PMM1: variants seen among roughly 807,000 people sequenced by gnomAD.
PMM1 encodes phosphomannomutase 1.
PMM1 carries 25 observed loss-of-function variants against 34.0 expected under a neutral mutation model. That is an observed-to-expected ratio of 0.73 (90% CI 0.54 to 1.03). The LOEUF (loss-of-function observed/expected upper bound fraction) is 1.03. Ranked by LOEUF, PMM1 falls within the 50% of genes least tolerant of loss-of-function variation. The pLI, the probability that PMM1 is intolerant of heterozygous loss-of-function variation, is 0.00. For missense variants in PMM1, 321 were observed against 350.1 expected (o/e 0.92, Z 0.66); for synonymous variants, 134 against 143.9 (o/e 0.93, Z 0.49).
chr22:41,578,535 G>A (rs1397771829), intron 6 of PMM1, among the ~76,000 whole-genome samples: 1 of 152,160 alleles, frequency 6.6e-6, no homozygotes, highest in Non-Finnish European at 1.5e-5. Flanking sequence ...GGGAAGGGGT[G>A]GGGGAGAGCA....
intron 6 of PMM1, 83 bp downstream of exon 6, chr22:41,578,723 C>T: frequency 1.7e-6 from 2 of 1,193,838 alleles, no homozygotes; most frequent in Non-Finnish European, 2.5e-6. Context: ...TACTGGGGGC[C>T]ACAGCCTGGT....
In PMM1 at chr22:41,586,087, T is replaced by A. The variant is rs1480395040; in HGVS notation, c.194A>T (p.Asp65Val). The change falls in exon 2 of 8, where the codon GAC (aspartate) becomes GTC (valine). Residue 65 changes from aspartate (D) to valine (V), a missense_variant. Coordinates refer to ENST00000216259, the MANE Select transcript of PMM1 (RefSeq NM_002676.3). The stretch of plus-strand genomic sequence containing the variant: ...AGCCTCACTCCTACCTTCATCCCCG[T>A]CACCCAGCTGCTCAGCGATCTTACA... ...DYCKIAEQLG[D>V]GDEVIEKFDY... 1.2e-6 allele frequency: 2 copies of A among 1,608,146 alleles called. No homozygotes were observed. The highest frequency in any genetic ancestry group is 1.7e-5 in the Admixed American group (1 of 59,274).
At chr22:41,585,946 A>T (rs1386260625) in intron 2 of PMM1, 130 bp downstream of exon 2, 6 of 736,112 alleles carry the variant, frequency 8.2e-6, no homozygotes, top group African/African-American at 3.6e-5. Flanking sequence ...GTGTTTGTCA[A>T]ATCAGTAAGG....
At chr22:41,589,449 G>A (rs1421851553) in intron 1 of PMM1, 7 of 561,470 alleles carry the variant, frequency 1.2e-5, no homozygotes, top group Non-Finnish European at 3.2e-6. Context: ...AGGGAGCTAG[G>A]CCCCTGCTCG....
chr22:41,588,943 G>T (rs752496442), intron 1 of PMM1: 2 of 1,150,462 alleles, frequency 1.7e-6, no homozygotes, highest in South Asian at 1.3e-5. Flanking sequence ...TCCAGCTGGT[G>T]AGGGGGCTTT....
chr22:41,586,198 G>A lies in PMM1; in HGVS notation c.88-5C>T. 1 of 1,606,084 alleles carries A rather than the reference G, an allele frequency of 6.2e-7. No individual in the cohort carries two copies. Among genetic ancestry groups the A allele is most frequent in the Admixed American group, 1.7e-5 (1 of 59,822 alleles). ...GGCCACCTCAGGGTCAATTTTCTATGGGGGGAGAGGGGAAGCATAGCATTC... is the reference window on the plus strand; with the variant it reads ...GGCCACCTCAGGGTCAATTTTCTATAGGGGGAGAGGGGAAGCATAGCATTC... On this transcript the variant is annotated splice_polypyrimidine_tract_variant and splice_region_variant and intron_variant, in intron 1 of 7. Transcript: ENST00000216259.
chr22:41,586,060 C>G lies in PMM1; in HGVS notation c.205+16G>C. The G allele has an allele frequency of 6.3e-7, 1 of 1,585,558 alleles. No individual in the cohort carries two copies. On this transcript the variant is annotated intron_variant, in intron 2 of 7. Transcript: ENST00000216259. ...CTCAAACTCCCCACTCCCTCTACCC[C>G]CAGCCTCACTCCTACCTTCATCCCC...
intron 5 of PMM1, among the ~76,000 whole-genome samples, chr22:41,583,247 AG>A (rs1204534052): frequency 2.6e-5 from 4 of 152,128 alleles, no homozygotes; most frequent in African/African-American, 9.7e-5. Flanking sequence ...TGGGAGGCCG[AG>A]GCAGGCGGAT....
At position 41,589,767 on chromosome 22, in the gene PMM1, G is replaced by A; in HGVS notation, c.39C>T (p.Arg13=). 1.2e-6 allele frequency: 2 copies of A among 1,611,260 alleles called. No individual in the cohort carries two copies. The highest frequency in any genetic ancestry group is 1.7e-6 in the Non-Finnish European group (2 of 1,179,368). ...VTAQAARRKE[R]VLCLFDVDGT... ...CGTCCACGTCAAACAGGCAGAGGAC[G>A]CGCTCCTTCCTGCGGGCTGCCTGGG... The change falls in exon 1 of 8, where the codon CGC becomes CGT. Residue 13 remains arginine, a synonymous_variant. Coordinates refer to ENST00000216259, the MANE Select transcript of PMM1 (RefSeq NM_002676.3).
intron 1 of PMM1, chr22:41,588,711 T>C: frequency 9.1e-6 from 9 of 985,444 alleles, no homozygotes; most frequent in Non-Finnish European, 9.6e-6. Flanking sequence ...CAGGAAGGCC[T>C]CCAGGGCCCA....
rs56954860 is a variant in PMM1, at chr22:41,587,441, C to CA, written c.88-1249dup. ...GGGGACAAGAATGAGATTTCATCTC[C>CA]AAAAAAAAAAAAAAAAAAAGATATT... is the stretch of plus-strand genomic sequence containing the variant. On this transcript the variant is annotated intron_variant, in intron 1 of 7. Transcript: ENST00000216259. Among the ~76,000 whole-genome samples the CA allele has an allele frequency of 8.5e-3, 654 of 76,646 alleles. 4 individuals carry two copies. The highest frequency in any genetic ancestry group is 0.022 in the African/African-American group (487 of 21,920). The allele number at this position is 76,646 out of a possible 152,430, so 50.3% of individuals were successfully genotyped here. A position where few individuals can be genotyped will look rare whatever the true frequency, so the allele number is the denominator to read the frequency against.
chr22:41,577,281 C>T lies in PMM1; in HGVS notation c.*37G>A. On this transcript the variant is annotated 3_prime_UTR_variant, in exon 8 of 8. Coordinates refer to ENST00000216259, the MANE Select transcript of PMM1 (RefSeq NM_002676.3). ...GACCTCTCTTTAGGCCTAGGCCAAA[C>T]TCTTCAGAAGTCACGACACACAGAT... The T allele has an allele frequency of 1.2e-6, 2 of 1,611,862 alleles. No homozygotes were observed. Among genetic ancestry groups the T allele is most frequent in the South Asian group, 2.2e-5 (2 of 91,080 alleles).
intron 1 of PMM1, chr22:41,586,405 T>C (rs1019659629): frequency 1.7e-5 from 14 of 803,770 alleles, no homozygotes; most frequent in East Asian, 1.7e-4. Flanking sequence ...GAAAGATCAC[T>C]TGACCCAGGA....
At chr22:41,580,843 G>A (rs1378768842) in intron 5 of PMM1, among the ~76,000 whole-genome samples, 3 of 152,052 alleles carry the variant, frequency 2.0e-5, no homozygotes, top group Non-Finnish European at 2.9e-5. Flanking sequence ...TAGGCCGGGC[G>A]CGGTGGCTCA....
At chr22:41,584,185 A>G (rs1043587850) in intron 4 of PMM1, 96 bp downstream of exon 4, 7 of 1,347,272 alleles carry the variant, frequency 5.2e-6, no homozygotes, top group Non-Finnish European at 7.4e-6. Flanking sequence ...CCCGCAAAAA[A>G]TCAGGGGCCC....
chr22:41,584,617 T>C lies in PMM1; in HGVS notation c.206-14A>G, dbSNP rs1392530958. The C allele has an allele frequency of 3.1e-6, 5 of 1,605,010 alleles. No individual in the cohort carries two copies. The highest frequency in any genetic ancestry group is 2.2e-5 in the East Asian group (1 of 44,846). ...ACTTCTCAATGACTTCAGGGTCACA[T>C]AGAGGACAGGAGGAAGAAAGAGTGT... On this transcript the variant is annotated splice_polypyrimidine_tract_variant and intron_variant, in intron 2 of 7. Transcript: ENST00000216259.
chr22:41,577,554 T>A, intron 7 of PMM1, 114 bp from the exon 8 acceptor site: 2 of 1,235,768 alleles, frequency 1.6e-6, no homozygotes, highest in East Asian at 5.1e-5. Flanking sequence ...AAGCCCACCT[T>A]CTCACCCCTT....
chr22:41,579,146 G>C, intron 5 of PMM1: 1 of 464,610 alleles, frequency 2.2e-6, no homozygotes, highest in Non-Finnish European at 4.0e-6. Flanking sequence ...CCTCAGAGGA[G>C]AGACACGAGT....
intron 1 of PMM1, among the ~76,000 whole-genome samples, chr22:41,587,619 C>G (rs1054796058): frequency 6.6e-6 from 1 of 152,008 alleles, no homozygotes; most frequent in Non-Finnish European, 1.5e-5. Context: ...AGACCCCGGT[C>G]TCTAACAACA....
Sources: allele counts gnomAD v4.1 joint callset (sites outside exome capture counted in the v4.1 genomes callset), GRCh38; gene constraint gnomAD v4.1.1; transcripts MANE v1.5; gene names NCBI Gene and HGNC (gene_info 2026-07-23, HGNC 2026-07-21).